Variants in PLK4 observed in about 807,000 individuals in gnomAD.
The protein encoded by PLK4 is serine/threonine-protein kinase PLK4.
In PLK4, 51 loss-of-function variants were observed where a neutral mutation model predicts 103.0. The observed-to-expected ratio is 0.50, with a 90% CI of 0.40 to 0.63. The LOEUF is 0.63. Ranked by LOEUF, PLK4 falls within the 20% of genes least tolerant of loss-of-function variation. The pLI is 0.00. For missense variants in PLK4, 1,054 were observed against 1,151.0 expected (o/e 0.92, Z 1.22); for synonymous variants, 389 against 376.8 (o/e 1.03, Z -0.38).
intron 13 of PLK4, among the ~76,000 whole-genome samples, chr4:127,894,376 G>A (rs1012878844): frequency 5.9e-5 from 9 of 151,976 alleles, no homozygotes; most frequent in Admixed American, 1.3e-4. Context: ...ACAGGCGACC[G>A]CCACCATGCC....
rs779420213 is a variant in PLK4 at position 127,890,179 on chromosome 4, A to T, written c.1773A>T (p.Thr591=). Residue 591 remains threonine (T), a synonymous_variant, in exon 7 of 16, where the codon ACA becomes ACT. Coordinates refer to ENST00000270861, the MANE Select transcript of PLK4 (RefSeq NM_014264.5). ...GYQNRTLRSI[T]SPLVAHRLKP... The stretch of plus-strand genomic sequence containing the variant: ...AGAATCGTACATTAAGAAGCATTAC[A>T]TCTCCGTTGGTTGCTCACAGGTTAA... 1 of 1,613,740 alleles carries T rather than the reference A, an allele frequency of 6.2e-7. No homozygotes were observed. The highest frequency in any genetic ancestry group is 8.5e-7 in the Non-Finnish European group (1 of 1,179,706).
In PLK4 at chr4:127,889,973, A is replaced by ATTGT. The variant is rs1735288987; in HGVS notation, c.1567_1568insTTGT (p.Lys523IlefsTer8). On this transcript the variant is annotated frameshift_variant, in exon 7 of 16. Transcript: ENST00000270861. LOFTEE classifies it high-confidence loss of function. ...ATCAAAAAATGCCTGGACTGATACA[A>ATTGT]AAGTCAAAAAGAACTCTGATGCTTC... 2.5e-6 allele frequency: 4 copies of ATTGT among 1,613,982 alleles called. No individual in the cohort carries two copies. Among genetic ancestry groups the ATTGT allele is most frequent in the Non-Finnish European group, 3.4e-6 (4 of 1,179,948 alleles).
chr4:127,896,458 A>G (rs551501173), intron 14 of PLK4, among the ~76,000 whole-genome samples: 1 of 152,288 alleles, frequency 6.6e-6, no homozygotes, highest in African/African-American at 2.4e-5. Context: ...GAAATACTAA[A>G]TATTTCTTGT....
rs1194984656 is a variant in PLK4, at chr4:127,898,810, A to T, written c.*269A>T. On this transcript the variant is annotated 3_prime_UTR_variant, in exon 16 of 16. Coordinates refer to ENST00000270861, the MANE Select transcript of PLK4 (RefSeq NM_014264.5). ...CTATGTTCATATATTTGTATTGAAC[A>T]ATCTTTTAAAAGCAAAAATGTAAAT... 1 of 250,616 alleles carries T rather than the reference A, an allele frequency of 4.0e-6. No homozygotes were observed. Among genetic ancestry groups the T allele is most frequent in the Non-Finnish European group, 7.5e-6 (1 of 133,144 alleles). 15.5% of individuals were successfully genotyped at this position (250,616 alleles called of 1,614,324 possible).
At position 127,886,303 on chromosome 4, in the gene PLK4, A is replaced by G. The variant is rs201599157; in HGVS notation, c.933A>G (p.Arg311=). ...GTGGTAGTTTATTTGACAAAAGAAG[A>G]CTTTTGATTGGTCAGCCACTCCCAA... ...SISGSLFDKR[R]LLIGQPLPNK... The change falls in exon 5 of 16, where the codon AGA becomes AGG. Residue 311 remains arginine (R), a synonymous_variant. Transcript: ENST00000270861. 23 of 1,613,814 alleles carry G rather than the reference A, an allele frequency of 1.4e-5. No homozygotes were observed. Among genetic ancestry groups the G allele is most frequent in the Non-Finnish European group, 3.4e-6 (4 of 1,179,892 alleles).
At chr4:127,883,679 C>A in intron 4 of PLK4, 126 bp downstream of exon 4, 1 of 483,788 alleles carries the variant, frequency 2.1e-6, no homozygotes, top group Non-Finnish European at 3.7e-6. Context: ...TTACTTTAAG[C>A]TAGAAAAGGA....
rs1560699717 is a variant in PLK4 at position 127,893,287 on chromosome 4, G to A, written c.2191G>A (p.Val731Ile). ...ADFEVWFYDG[V>I]KIHKTEDFIQ... Reference sequence around the variant, plus strand: ...GTTTTCTGATTTTTTTTTTTTAGGGGTAAAAATACACAAAACAGAAGATTT... The same window carrying A: ...GTTTTCTGATTTTTTTTTTTTAGGGATAAAAATACACAAAACAGAAGATTT... The change falls in exon 11 of 16, where the codon GTA becomes ATA. Residue 731 changes from valine (V) to isoleucine (I), a missense_variant and splice_region_variant. Val to Ile is a conservative substitution (Grantham distance 29, BLOSUM62 3). Around this residue, in one of 4 missense-constraint regions of PLK4, gnomAD observed 680 missense variants for 660.3 expected, o/e 1.03. Transcript: ENST00000270861. 4.5e-6 allele frequency: 7 copies of A among 1,548,270 alleles called. No individual in the cohort carries two copies. In the East Asian group the frequency reaches 6.8e-5, roughly 15 times the overall value.
chr4:127,888,232 A>G (rs1735220059), intron 6 of PLK4, among the ~76,000 whole-genome samples: 1 of 145,018 alleles, frequency 6.9e-6, no homozygotes, highest in African/African-American at 2.5e-5. Flanking sequence ...GTACGTCTCA[A>G]TAAAGCTCTG....
chr4:127,893,799 C>T lies in PLK4; in HGVS notation c.2480C>T (p.Pro827Leu), dbSNP rs777375855. The change falls in exon 13 of 16, where the codon CCA becomes CTA. Residue 827 changes from proline (P) to leucine (L), a missense_variant. Pro to Leu is a moderately conservative substitution (Grantham distance 98, BLOSUM62 -3). This residue lies in a region of PLK4 where 167 missense variants were observed against 200.7 expected (regional missense o/e 0.83). Transcript: ENST00000270861. The part of the protein sequence containing the change: ...SPPPSVDSNY[P>L]TRERASFNRM... ...CCTCCTTCTGTGGATTCAAATTACCCAACGAGAGAGAGAGCATCTTTCAAC... is the reference window on the plus strand; with the variant it reads ...CCTCCTTCTGTGGATTCAAATTACCTAACGAGAGAGAGAGCATCTTTCAAC... The T allele has an allele frequency of 1.2e-6, 2 of 1,613,348 alleles. No homozygotes were observed. Among genetic ancestry groups the T allele is most frequent in the Non-Finnish European group, 1.7e-6 (2 of 1,179,342 alleles).
intron 14 of PLK4, among the ~76,000 whole-genome samples, chr4:127,896,078 G>T (rs1179084876): frequency 6.6e-6 from 1 of 152,120 alleles, no homozygotes; most frequent in Non-Finnish European, 1.5e-5. Flanking sequence ...GGTAACATTT[G>T]TTGAGCACCT....
chr4:127,893,275 T>C lies in PLK4; in HGVS notation c.2189-10T>C. On this transcript the variant is annotated splice_polypyrimidine_tract_variant and intron_variant, in intron 10 of 15. Transcript: ENST00000270861. ...GATAAGAGAACAGTTTTCTGATTTT[T>C]TTTTTTTAGGGGTAAAAATACACAA... The C allele has an allele frequency of 2.0e-6, 3 of 1,523,226 alleles. No individual in the cohort carries two copies. Among genetic ancestry groups the C allele is most frequent in the Non-Finnish European group, 2.7e-6 (3 of 1,125,190 alleles). The allele number at this position is 1,523,226 out of a possible 1,614,324, so 94.4% of individuals were successfully genotyped here. A position where few individuals can be genotyped will look rare whatever the true frequency, so the allele number is the denominator to read the frequency against.
chr4:127,896,763 T>TTTTTTC, intron 14 of PLK4, 38 bp from the exon 15 acceptor site: 1 of 1,220,684 alleles, frequency 8.2e-7, no homozygotes, highest in Admixed American at 1.9e-5. Context: ...TTTTTTTTTT[T>TTTTTTC]CTGTGCCTGT....
Position 127,886,727 on chromosome 4 carries a change from C to G in PLK4, c.1357C>G (p.Leu453Val), listed in dbSNP as rs1735150347. The G allele has an allele frequency of 1.3e-6, 2 of 1,577,522 alleles. No homozygotes were observed. The highest frequency in any genetic ancestry group is 1.9e-5 in the Admixed American group (1 of 53,442). Residue 453 changes from leucine (L) to valine (V), a missense_variant and splice_region_variant, in exon 5 of 16, where the codon CTC (leucine) becomes GTC (valine). Transcript: ENST00000270861. ...SFERPDNNQA[L>V]SNHLCPGKTP... ...TGAAAGACCTGATAACAATCAAGCA[C>G]TGTAAGAATAATTCTATCAGAGGCA...
At chr4:127,891,068 A>AT in intron 7 of PLK4, 24 bp from the exon 8 acceptor site, 1 of 1,242,864 alleles carries the variant, frequency 8.0e-7, no homozygotes, top group South Asian at 1.3e-5. Context: ...ATTATTACTG[A>AT]TTTTGGGTTT....
At chr4:127,891,874 A>G in intron 9 of PLK4, 193 bp downstream of exon 9, 1 of 322,640 alleles carries the variant, frequency 3.1e-6, no homozygotes, top group Non-Finnish European at 5.6e-6. Context: ...CTGTGTTATA[A>G]TGGTACTATA....
chr4:127,888,735 T>G (rs1735239407), intron 6 of PLK4, among the ~76,000 whole-genome samples: 1 of 152,104 alleles, frequency 6.6e-6, no homozygotes. Flanking sequence ...GAAATAATGA[T>G]GGAAAAAAGA....
Position 127,890,045 on chromosome 4 carries a change from A to C in PLK4, c.1639A>C (p.Thr547Pro). ...ACAGCAAAATACCATGAAATATATG[A>C]CTGCACTTCACAGTAAACCTGAGAT... Reference protein sequence around the residue: ...VKQQNTMKYMTALHSKPEIIQ... With the variant: ...VKQQNTMKYMPALHSKPEIIQ... The change falls in exon 7 of 16, where the codon ACT becomes CCT. Residue 547 changes from threonine to proline, a missense_variant. This residue lies in a region of PLK4 where 680 missense variants were observed against 660.3 expected (regional missense o/e 1.03). Transcript: ENST00000270861. 4 of 1,613,718 alleles carry C rather than the reference A, an allele frequency of 2.5e-6. No individual in the cohort carries two copies. Among genetic ancestry groups the C allele is most frequent in the Non-Finnish European group, 3.4e-6 (4 of 1,179,644 alleles).
intron 6 of PLK4, among the ~76,000 whole-genome samples, chr4:127,887,905 C>T (rs1049119335): frequency 1.4e-5 from 2 of 144,538 alleles, no homozygotes; most frequent in Non-Finnish European, 3.0e-5. Flanking sequence ...ATTGGCCAGG[C>T]GTGGTGGCTC....
At position 127,883,567 on chromosome 4, in the gene PLK4, T is replaced by A. The variant is rs757053342; in HGVS notation, c.337+14T>A. 3 of 1,203,854 alleles carry A rather than the reference T, an allele frequency of 2.5e-6. No individual in the cohort carries two copies. The highest frequency in any genetic ancestry group is 3.6e-6 in the Non-Finnish European group (3 of 826,562). The allele number at this position is 1,203,854 out of a possible 1,614,324, so 74.6% of individuals were successfully genotyped here. ...CAGAAAATGAAGGTAGGTGTGTGGT[T>A]TTTTTTGTTTGTTTTGTTTGGGTGG... On this transcript the variant is annotated intron_variant, in intron 4 of 15. Transcript: ENST00000270861.
Sources: gnomAD v4.1 joint callset for allele counts (sites outside exome capture counted in the v4.1 genomes callset) on GRCh38, gnomAD v4.1.1 for gene constraint, gnomAD v4.1.1 regional missense constraint, MANE v1.5 for transcripts, NCBI Gene and HGNC (gene_info 2026-07-23, HGNC 2026-07-21) for gene names.